The following SLC41A2 variants were observed in gnomAD, a reference collection of about 807,000 sequenced individuals.
SLC41A2 encodes the protein SLC41A1-like 1.
In SLC41A2, 32 loss-of-function variants were observed where a neutral mutation model predicts 58.3. That is an observed-to-expected ratio of 0.55 (90% confidence interval 0.41 to 0.74). The LOEUF is 0.74. Ranked by LOEUF, SLC41A2 falls within the 30% of genes least tolerant of loss-of-function variation. The probability of loss-of-function intolerance (pLI) is 0.00; values close to 1 mark genes in which losing one functional copy is unlikely to be tolerated. For missense variants in SLC41A2, 514 were observed against 680.6 expected (o/e 0.76, Z 2.72); for synonymous variants, 190 against 235.0 (o/e 0.81, Z 1.75).
At chr12:104,895,183 G>T in intron 4 of SLC41A2, 91 bp downstream of exon 4, 1 of 837,596 alleles carries the variant, frequency 1.2e-6, no homozygotes, top group South Asian at 1.5e-5. Context: ...TTAAAGGGTA[G>T]ACTCATAGTA....
intron 1 of SLC41A2, among the ~76,000 whole-genome samples, chr12:104,939,137 G>A (rs2047400608): frequency 6.6e-6 from 1 of 152,168 alleles, no homozygotes; most frequent in Non-Finnish European, 1.5e-5. Context: ...CTGGTTTATA[G>A]AGTCATGTCA....
At chr12:104,835,661 T>TCCATACTTG (rs2042185054) in intron 10 of SLC41A2, among the ~76,000 whole-genome samples, 1 of 152,222 alleles carries the variant, frequency 6.6e-6, no homozygotes, top group Non-Finnish European at 1.5e-5. Flanking sequence ...GTGCTTGGAA[T>TCCATACTTG]GGATTCCTAC....
intron 3 of SLC41A2, among the ~76,000 whole-genome samples, chr12:104,901,135 T>C (rs981537835): frequency 5.3e-5 from 8 of 152,114 alleles, no homozygotes; most frequent in African/African-American, 1.7e-4. Context: ...TTGCCTACAG[T>C]AGAAAAGGAC....
chr12:104,888,932 T>C, intron 5 of SLC41A2, 101 bp downstream of exon 5: 1 of 1,205,070 alleles, frequency 8.3e-7, no homozygotes, highest in Non-Finnish European at 1.1e-6. Context: ...TTTTTTCTGT[T>C]GTTTTCATAA....
chr12:104,949,811 G>C (rs563520495), intron 1 of SLC41A2, among the ~76,000 whole-genome samples: 60 of 152,244 alleles, frequency 3.9e-4, no homozygotes, highest in African/African-American at 1.3e-3. Flanking sequence ...TCGAACTCCC[G>C]ACCTCAGGTG....
intron 6 of SLC41A2, among the ~76,000 whole-genome samples, chr12:104,874,499 T>A (rs1020065524): frequency 6.6e-6 from 1 of 152,240 alleles, no homozygotes; most frequent in Admixed American, 6.5e-5. Flanking sequence ...AGGTCTTTAA[T>A]CTATTTTTAG....
intron 6 of SLC41A2, among the ~76,000 whole-genome samples, chr12:104,880,100 G>T (rs1476647079): frequency 6.6e-6 from 1 of 152,174 alleles, no homozygotes; most frequent in African/African-American, 2.4e-5. Context: ...GTTCACTCAT[G>T]ATTTGGCTCT....
At chr12:104,918,640 A>C (rs560167805) in intron 2 of SLC41A2, among the ~76,000 whole-genome samples, 5 of 151,362 alleles carry the variant, frequency 3.3e-5, no homozygotes, top group Non-Finnish European at 7.4e-5. Flanking sequence ...AAAAAAAAAA[A>C]AAAAAAACTA....
At chr12:104,931,960 CTGTTTT>C (rs2047068970) in intron 1 of SLC41A2, among the ~76,000 whole-genome samples, 2 of 152,300 alleles carry the variant, frequency 1.3e-5, no homozygotes, top group South Asian at 4.1e-4. Flanking sequence ...GTCCTAACAG[CTGTTTT>C]TGTTTTTGTG....
At chr12:104,824,177 T>G (rs2468102) in intron 10 of SLC41A2, among the ~76,000 whole-genome samples, 97,259 of 151,828 alleles carry the variant, frequency 0.64, 31,653 homozygotes, top group African/African-American at 0.73. Context: ...AGGCATTTTT[T>G]TTTCCCTGCC....
intron 6 of SLC41A2, among the ~76,000 whole-genome samples, chr12:104,869,957 C>T (rs1271493016): frequency 6.6e-6 from 1 of 151,964 alleles, no homozygotes; most frequent in Non-Finnish European, 1.5e-5. Flanking sequence ...TTAAAAGATC[C>T]TGGTTAAAAT....
chr12:104,945,838 T>A (rs1209835448), intron 1 of SLC41A2, among the ~76,000 whole-genome samples: 1 of 152,212 alleles, frequency 6.6e-6, no homozygotes, highest in Non-Finnish European at 1.5e-5. Context: ...TTCACTTATA[T>A]CTTATATGGG....
intron 10 of SLC41A2, among the ~76,000 whole-genome samples, chr12:104,810,121 C>T (rs148301380): frequency 4.1e-4 from 62 of 152,064 alleles, no homozygotes; most frequent in Middle Eastern, 6.8e-3. Context: ...TGTCAGCAGA[C>T]GCTAGGTATA....
intron 6 of SLC41A2, among the ~76,000 whole-genome samples, chr12:104,881,158 G>A (rs1176512666): frequency 6.6e-6 from 1 of 152,160 alleles, no homozygotes; most frequent in Non-Finnish European, 1.5e-5. Flanking sequence ...GATTGGTGGT[G>A]ATATCCCCTT....
At chr12:104,844,064 C>T (rs1050393644) in intron 10 of SLC41A2, among the ~76,000 whole-genome samples, 2 of 152,120 alleles carry the variant, frequency 1.3e-5, no homozygotes, top group African/African-American at 2.4e-5. Flanking sequence ...TAGGACTTAT[C>T]GCACTGAAGA....
At chr12:104,879,559 C>T (rs907499209) in intron 6 of SLC41A2, among the ~76,000 whole-genome samples, 8 of 152,144 alleles carry the variant, frequency 5.3e-5, no homozygotes, top group African/African-American at 1.9e-4. Context: ...GGGAATCCTT[C>T]TCCCATTTCT....
intron 10 of SLC41A2, among the ~76,000 whole-genome samples, chr12:104,840,765 A>G (rs1053332739): frequency 6.6e-6 from 1 of 152,218 alleles, no homozygotes; most frequent in Admixed American, 6.5e-5. Context: ...ACCACCAAAC[A>G]ATGTAATTTG....
chr12:104,933,097 C>G (rs550754479), intron 1 of SLC41A2, among the ~76,000 whole-genome samples: 73 of 152,160 alleles, frequency 4.8e-4, no homozygotes, highest in African/African-American at 1.5e-3. Flanking sequence ...GTAAACATAA[C>G]CTACAGAATG....
chr12:104,956,791 C>T (rs2048186269), intron 1 of SLC41A2, among the ~76,000 whole-genome samples: 1 of 152,104 alleles, frequency 6.6e-6, no homozygotes, highest in Non-Finnish European at 1.5e-5. Flanking sequence ...GGCCAATAAG[C>T]ACATGAAAAG....
Sources: gnomAD v4.1 joint callset for allele counts (sites outside exome capture counted in the v4.1 genomes callset) on GRCh38, gnomAD v4.1.1 for gene constraint, MANE v1.5 for transcripts, NCBI Gene and HGNC (gene_info 2026-07-23, HGNC 2026-07-21) for gene names.